GNAT2: variants seen among roughly 807,000 people sequenced by gnomAD.
GNAT2 encodes G protein subunit alpha transducin 2, also known as guanine nucleotide-binding protein G(t) subunit alpha-2.
A neutral mutation model predicts 40.9 loss-of-function variants in GNAT2; 32 were observed. That is an observed-to-expected ratio of 0.78 (90% confidence interval 0.59 to 1.05). GNAT2 has a LOEUF of 1.05. Among genes scored for constraint, GNAT2 ranks in the 50% least tolerant of loss-of-function variants. GNAT2 has a pLI of 0.00. For synonymous variants in GNAT2, 141 were observed against 157.2 expected (o/e 0.90, Z 0.77); for missense variants, 355 against 431.5 (o/e 0.82, Z 1.57).
intron 2 of GNAT2, chr1:109,612,484 G>T: frequency 2.2e-6 from 1 of 452,476 alleles, no homozygotes; most frequent in African/African-American, 2.0e-5. Context: ...TTGGAAATGG[G>T]TGGGTTCATG....
At chr1:109,604,626 G>A (rs978109355) in intron 7 of GNAT2, 13 of 170,672 alleles carry the variant, frequency 7.6e-5, no homozygotes, top group Admixed American at 1.1e-4. Context: ...GAGAGTTAGA[G>A]AATTTCCCAG....
chr1:109,609,682 G>A (rs1649731650), intron 4 of GNAT2: 1 of 352,734 alleles, frequency 2.8e-6, no homozygotes, highest in South Asian at 2.2e-5. Flanking sequence ...GCATAATTGT[G>A]GTGTATTATG....
chr1:109,603,665 T>C, intron 8 of GNAT2, 121 bp from the exon 9 acceptor site: 1 of 748,498 alleles, frequency 1.3e-6, no homozygotes, highest in South Asian at 1.4e-5. Context: ...TGGGGGCCTA[T>C]TTTTGGAGGG....
intron 2 of GNAT2, 122 bp downstream of exon 2, chr1:109,612,631 T>G: frequency 1.3e-6 from 1 of 753,476 alleles, no homozygotes; most frequent in South Asian, 1.4e-5. Context: ...CCAGACTGTG[T>G]AGAGGAGAGG....
rs767343299 is a variant in GNAT2, at chr1:109,603,954, C to T, written c.871G>A (p.Asp291Asn). 6 of 1,603,180 alleles carry T rather than the reference C, an allele frequency of 3.7e-6. No homozygotes were observed. In the African/African-American group the frequency reaches 8.0e-5, roughly 21 times the overall value. The change falls in exon 8 of 9, where the codon GAT becomes AAT. Residue 291 changes from aspartate (D) to asparagine (N), a missense_variant. Asp to Asn is a conservative substitution (Grantham distance 23, BLOSUM62 1). Transcript: ENST00000679935. ...ATTTCCAGCCCCTGACACTTACCATCATACTCTGGAAAACAAATGCTGAGA... is the reference window on the plus strand; with the variant it reads ...ATTTCCAGCCCCTGACACTTACCATTATACTCTGGAAAACAAATGCTGAGA... ...VHLSICFPEY[D>N]GNNSYDDAGN...
In GNAT2 at chr1:109,605,556, T is replaced by C. The variant is rs1292508865; in HGVS notation, c.720+414A>G. ...GGTTACTAGCTCAACCCTTCTATTA[T>C]GTTGCAATGAAGATTCATATCATAT... On this transcript the variant is annotated intron_variant, in intron 7 of 8. Coordinates refer to ENST00000679935, the MANE Select transcript of GNAT2 (RefSeq NM_001377295.2). The C allele has an allele frequency of 3.8e-5, 12 of 315,134 alleles. No homozygotes were observed. The Admixed American group carries it at 5.4e-4, about 14-fold the overall frequency. The allele number at this position is 315,134 out of a possible 1,614,324, so 19.5% of individuals were successfully genotyped here.
chr1:109,605,497 C>A, intron 7 of GNAT2: 1 of 273,738 alleles, frequency 3.7e-6, no homozygotes, highest in Non-Finnish European at 7.1e-6. Flanking sequence ...TCCTTAAACT[C>A]CTACGGACAG....
rs1188817654 is a variant in GNAT2, at chr1:109,605,212, G to GT, written c.720+757_720+758insA. 2.0e-4 allele frequency: 31 copies of GT among 152,762 alleles called. 1 individual carries two copies. The highest frequency in any genetic ancestry group is 5.5e-4 in the African/African-American group (23 of 41,458). The allele number at this position is 152,762 out of a possible 1,614,324, so 9.5% of individuals were successfully genotyped here. A position where few individuals can be genotyped will look rare whatever the true frequency, so the allele number is the denominator to read the frequency against. ...CCTTTCCCAAATTCAGAGGTCATCA[G>GT]CAAGGTGTGGACCTCCATTTGTGAG... is the stretch of plus-strand genomic sequence containing the variant. On this transcript the variant is annotated intron_variant, in intron 7 of 8. Coordinates refer to ENST00000679935, the MANE Select transcript of GNAT2 (RefSeq NM_001377295.2).
Position 109,608,732 on chromosome 1 carries a change from A to T in GNAT2, c.360T>A (p.Pro120=). 6.2e-7 allele frequency: 1 copy of T among 1,613,950 alleles called. No homozygotes were observed. The highest frequency in any genetic ancestry group is 8.5e-7 in the Non-Finnish European group (1 of 1,179,810). The stretch of plus-strand genomic sequence containing the variant: ...TCCTAATGACCTCCACGAGCTCAGG[A>T]GGCATGGTTCCCTCCTCAATGGAGT... ...LADSIEEGTM[P]PELVEVIRRL... Residue 120 remains proline, a synonymous_variant, in exon 5 of 9, where the codon CCT becomes CCA. Transcript: ENST00000679935.
At position 109,604,092 on chromosome 1, in the gene GNAT2, C is replaced by G. The variant is rs147849105; in HGVS notation, c.733G>C (p.Glu245Gln). 6.2e-7 allele frequency: 1 copy of G among 1,610,450 alleles called. No homozygotes were observed. The highest frequency in any genetic ancestry group is 8.5e-7 in the Non-Finnish European group (1 of 1,176,986). Residue 245 changes from glutamate (E) to glutamine (Q), a missense_variant, in exon 8 of 9, where the codon GAG (glutamate) becomes CAG (glutamine). Physicochemically the swap from Glu to Gln is conservative, Grantham distance 29. Coordinates refer to ENST00000679935, the MANE Select transcript of GNAT2 (RefSeq NM_001377295.2). Reference protein sequence around the residue: ...VEDDEVNRMHESLHLFNSICN... With the variant: ...VEDDEVNRMHQSLHLFNSICN... ...ATGCTGTTGAACAGATGCAAAGACT[C>G]ATGCATACGATTCTAGTAAGAGGAA... is the stretch of plus-strand genomic sequence containing the variant.
intron 4 of GNAT2, chr1:109,609,614 A>C (rs756384503): frequency 3.3e-6 from 1 of 303,992 alleles, no homozygotes; most frequent in South Asian, 3.0e-5. Context: ...CCTGGGTAAG[A>C]GAGGAAGACC....
At chr1:109,606,480 G>A (rs1263134573) in intron 5 of GNAT2, 44 bp from the exon 6 acceptor site, 11 of 1,570,612 alleles carry the variant, frequency 7.0e-6, no homozygotes, top group Admixed American at 1.7e-5. Flanking sequence ...TTCCACAGAC[G>A]AGGCTAAGAG....
In GNAT2 at chr1:109,610,448, G is replaced by A; in HGVS notation, c.161+17C>T. On this transcript the variant is annotated intron_variant, in intron 3 of 8. Transcript: ENST00000679935. The stretch of plus-strand genomic sequence containing the variant: ...TCTTCACCCTATCTTGTCTTTTGGG[G>A]CTTTGTTTCTACTCACTTCATCTGT... 6.2e-7 allele frequency: 1 copy of A among 1,611,224 alleles called. No homozygotes were observed. Among genetic ancestry groups the A allele is most frequent in the Non-Finnish European group, 8.5e-7 (1 of 1,177,480 alleles).
rs1465482210 is a variant in GNAT2, at chr1:109,606,065, T to G, written c.625A>C (p.Lys209Gln). Residue 209 changes from lysine (K) to glutamine (Q), a missense_variant, in exon 7 of 9, where the codon AAG (lysine) becomes CAG (glutamine). Transcript: ENST00000679935. The stretch of plus-strand genomic sequence containing the variant: ...CCCTCGAAGCAGTGGATCCACTTCT[T>G]TCTCTCGGATCTCTGCCCTCCCACA... ...FDVGGQRSERKKWIHCFEGVT... is the reference protein window; with the variant it reads ...FDVGGQRSERQKWIHCFEGVT... The G allele has an allele frequency of 2.5e-6, 4 of 1,613,914 alleles. No individual in the cohort carries two copies.
rs544314741 is a variant in GNAT2, at chr1:109,610,362, C to T, written c.161+103G>A. 68 of 1,258,310 alleles carry T rather than the reference C, an allele frequency of 5.4e-5. 1 individual carries two copies. The East Asian group carries it at 1.6e-3, about 29-fold the overall frequency. The allele number at this position is 1,258,310 out of a possible 1,614,324, so 77.9% of individuals were successfully genotyped here. On this transcript the variant is annotated intron_variant, in intron 3 of 8. Coordinates refer to ENST00000679935, the MANE Select transcript of GNAT2 (RefSeq NM_001377295.2). ...GGGCATTGGAATCAGATCCTTTATA[C>T]CTGGGCTCCTTGAGGCTAAAGAGCC...
At chr1:109,615,499 G>C (rs1033099617) in intron 1 of GNAT2, 2 of 152,408 alleles carry the variant, frequency 1.3e-5, no homozygotes, top group African/African-American at 4.8e-5. Flanking sequence ...GCCAGGCATG[G>C]TGGCAGGCAC....
In GNAT2 at chr1:109,608,676, C is replaced by T; in HGVS notation, c.416G>A (p.Cys139Tyr). ...CTGGTATTCTGCAGCTCTCTCGAAG[C>T]AGGCTTGCACCCCACCATCCTTCCA... The part of the protein sequence containing the change: ...RLWKDGGVQA[C>Y]FERAAEYQLN... The change falls in exon 5 of 9, where the codon TGC becomes TAC. Residue 139 changes from cysteine to tyrosine, a missense_variant. Physicochemically the swap from Cys to Tyr is radical, Grantham distance 194. Coordinates refer to ENST00000679935, the MANE Select transcript of GNAT2 (RefSeq NM_001377295.2). 6.2e-7 allele frequency: 1 copy of T among 1,614,148 alleles called. No homozygotes were observed. The highest frequency in any genetic ancestry group is 8.5e-7 in the Non-Finnish European group (1 of 1,179,996).
chr1:109,608,703 A>G lies in GNAT2; in HGVS notation c.389T>C (p.Leu130Ser). 6.2e-7 allele frequency: 1 copy of G among 1,613,862 alleles called. No individual in the cohort carries two copies. Among genetic ancestry groups the G allele is most frequent in the Non-Finnish European group, 8.5e-7 (1 of 1,179,808 alleles). Residue 130 changes from leucine to serine, a missense_variant, in exon 5 of 9, where the codon TTG becomes TCG. Transcript: ENST00000679935. ...GGCTTGCACCCCACCATCCTTCCAC[A>G]ACCTCCTAATGACCTCCACGAGCTC... ...PPELVEVIRRLWKDGGVQACF... is the reference protein window; with the variant it reads ...PPELVEVIRRSWKDGGVQACF...
intron 1 of GNAT2, among the ~76,000 whole-genome samples, 158 bp downstream of exon 1, chr1:109,619,325 T>C (rs1467143404): frequency 1.8e-4 from 28 of 152,194 alleles, no homozygotes; most frequent in Admixed American, 1.6e-3. Context: ...ACAGACGAAA[T>C]AGAAGCACAG....
Sources: gnomAD v4.1 joint callset for allele counts (sites outside exome capture counted in the v4.1 genomes callset) on GRCh38, gnomAD v4.1.1 for gene constraint, MANE v1.5 for transcripts, NCBI Gene and HGNC (gene_info 2026-07-23, HGNC 2026-07-21) for gene names.